Variants in PCCA observed in about 807,000 individuals in gnomAD.
PCCA encodes propionyl-CoA carboxylase subunit alpha.
Under a neutral mutation model 101.3 loss-of-function variants are expected in PCCA, and 74 were observed. The observed-to-expected ratio is 0.73, with a 90% CI of 0.61 to 0.89. The LOEUF is 0.89. PCCA is among the 40% of genes least tolerant of loss of function. The pLI is 0.00. For missense variants in PCCA, 891 were observed against 907.0 expected (o/e 0.98, Z 0.23); for synonymous variants, 294 against 313.6 (o/e 0.94, Z 0.66).
intron 4 of PCCA, among the ~76,000 whole-genome samples, chr13:100,132,721 A>G (rs1405200635): frequency 6.6e-6 from 1 of 152,176 alleles, no homozygotes; most frequent in African/African-American, 2.4e-5. Context: ...CAGAGTTGCT[A>G]TACCAGAATA....
At chr13:100,401,897 G>T (rs1309174043) in intron 19 of PCCA, among the ~76,000 whole-genome samples, 1 of 152,108 alleles carries the variant, frequency 6.6e-6, no homozygotes, top group African/African-American at 2.4e-5. Flanking sequence ...AGACGTGAAA[G>T]TGAAACCTTA....
intron 7 of PCCA, among the ~76,000 whole-genome samples, chr13:100,231,069 A>G (rs1041982303): frequency 6.6e-6 from 1 of 152,184 alleles, no homozygotes; most frequent in African/African-American, 2.4e-5. Context: ...ACGCCTGAGA[A>G]AGTTTTCAGG....
chr13:100,253,473 C>A (rs946892195), intron 8 of PCCA, among the ~76,000 whole-genome samples: 3 of 152,124 alleles, frequency 2.0e-5, no homozygotes, highest in Non-Finnish European at 2.9e-5. Context: ...AGGCTGCTTG[C>A]TTTGTGGTAG....
chr13:100,191,087 G>A (rs1484812897), intron 6 of PCCA, among the ~76,000 whole-genome samples: 2 of 152,106 alleles, frequency 1.3e-5, no homozygotes, highest in Admixed American at 6.5e-5. Flanking sequence ...GAGAGATCCT[G>A]CTTCCAATAA....
At chr13:100,397,020 G>A (rs2077078500) in intron 19 of PCCA, among the ~76,000 whole-genome samples, 1 of 152,136 alleles carries the variant, frequency 6.6e-6, no homozygotes, top group Admixed American at 6.5e-5. Flanking sequence ...TGCCCTGTGG[G>A]AGGTTTGATC....
chr13:100,483,293 C>T (rs1295747271), intron 21 of PCCA, among the ~76,000 whole-genome samples: 3 of 152,112 alleles, frequency 2.0e-5, no homozygotes, highest in Admixed American at 2.0e-4. Flanking sequence ...TGCATTAGCC[C>T]TTTGATGTAT....
chr13:100,297,665 T>C (rs2065660693), intron 12 of PCCA, among the ~76,000 whole-genome samples: 1 of 152,118 alleles, frequency 6.6e-6, no homozygotes, highest in African/African-American at 2.4e-5. Flanking sequence ...AGCAAGTAGA[T>C]CTATAAAAAG....
At chr13:100,454,308 A>G (rs889942557) in intron 21 of PCCA, among the ~76,000 whole-genome samples, 4 of 152,224 alleles carry the variant, frequency 2.6e-5, no homozygotes, top group African/African-American at 9.6e-5. Flanking sequence ...TGTCAGTTTC[A>G]GGTACAATTT....
chr13:100,206,930 C>G (rs1047885032), intron 6 of PCCA, among the ~76,000 whole-genome samples: 1 of 152,206 alleles, frequency 6.6e-6, no homozygotes, highest in African/African-American at 2.4e-5. Context: ...GTTTATGATA[C>G]TTACCTCTTG....
intron 20 of PCCA, 33 bp downstream of exon 20, chr13:100,425,764 C>T (rs1450150781): frequency 1.4e-6 from 2 of 1,394,604 alleles, no homozygotes; most frequent in African/African-American, 1.4e-5. Flanking sequence ...TAGAGGGCCT[C>T]CTCAAGTCCA....
intron 18 of PCCA, among the ~76,000 whole-genome samples, chr13:100,353,154 G>C (rs1300456542): frequency 1.3e-5 from 2 of 152,182 alleles, no homozygotes; most frequent in East Asian, 3.8e-4. Context: ...AAGCAAAACT[G>C]AGACAAAGAG....
At chr13:100,269,006 T>C (rs993844405) in intron 11 of PCCA, among the ~76,000 whole-genome samples, 4 of 152,140 alleles carry the variant, frequency 2.6e-5, no homozygotes, top group African/African-American at 4.8e-5. Context: ...TGTGCCACCA[T>C]GCCCAGCTAA....
In PCCA at chr13:100,209,460, C is replaced by G. The variant is rs879179350; in HGVS notation, c.597C>G (p.Val199=). 1.2e-6 allele frequency: 2 copies of G among 1,611,988 alleles called. No individual in the cohort carries two copies. Among genetic ancestry groups the G allele is most frequent in the Non-Finnish European group, 1.7e-6 (2 of 1,178,200 alleles). The change falls in exon 7 of 24, where the codon GTC becomes GTG. Residue 199 remains valine, a synonymous_variant. Coordinates refer to ENST00000376285, the MANE Select transcript of PCCA (RefSeq NM_000282.4). ...CAATCCCTGGCTTTGATGGAGTAGT[C>G]AAGGTGAGAAGCTACTTTAACTTTT... is the stretch of plus-strand genomic sequence containing the variant. ...VNTIPGFDGV[V]KDAEEAVRIA... is the part of the protein sequence containing the mutation.
At chr13:100,511,772 G>A (rs576580999) in intron 21 of PCCA, among the ~76,000 whole-genome samples, 158 of 152,358 alleles carry the variant, frequency 1.0e-3, no homozygotes, top group Non-Finnish European at 1.8e-3. Flanking sequence ...AGCAGCCGCA[G>A]ACCTCGGGAT....
intron 21 of PCCA, among the ~76,000 whole-genome samples, chr13:100,449,596 C>T (rs1430725698): frequency 6.6e-6 from 1 of 152,198 alleles, no homozygotes; most frequent in Admixed American, 6.5e-5. Context: ...AAGCGATTCT[C>T]GTGCCTCAGC....
intron 4 of PCCA, among the ~76,000 whole-genome samples, chr13:100,127,914 A>G (rs1342516749): frequency 6.6e-6 from 1 of 152,112 alleles, no homozygotes; most frequent in Non-Finnish European, 1.5e-5. Context: ...ACAAAAAAAA[A>G]GATTTGATAT....
At chr13:100,311,834 T>C (rs1378029025) in intron 16 of PCCA, among the ~76,000 whole-genome samples, 2 of 152,182 alleles carry the variant, frequency 1.3e-5, no homozygotes, top group Non-Finnish European at 2.9e-5. Context: ...TCATATGAAA[T>C]TTACTAAATC....
At chr13:100,484,298 C>G (rs1221035405) in intron 21 of PCCA, among the ~76,000 whole-genome samples, 1 of 152,128 alleles carries the variant, frequency 6.6e-6, no homozygotes, top group African/African-American at 2.4e-5. Context: ...CCACCGTGTT[C>G]TGCAGGAATT....
rs1351614881 is a variant in PCCA, at chr13:100,389,847, C to G, written c.1746+21273C>G. ...ACCCGGCCATGTGAAAGTGCCAGCC[C>G]TGAACCTGGTCTGGATGTGTGTGGA... On this transcript the variant is annotated intron_variant, in intron 19 of 23. Coordinates refer to ENST00000376285, the MANE Select transcript of PCCA (RefSeq NM_000282.4). Among the ~76,000 whole-genome samples the G allele has an allele frequency of 3.3e-5, 5 of 152,270 alleles. No homozygotes were observed. The South Asian group carries it at 1.0e-3, about 32-fold the overall frequency.
Sources: gnomAD v4.1 joint callset for allele counts (sites outside exome capture counted in the v4.1 genomes callset) on GRCh38, gnomAD v4.1.1 for gene constraint, MANE v1.5 for transcripts, NCBI Gene and HGNC (gene_info 2026-07-23, HGNC 2026-07-21) for gene names.